Variants in GRID2 observed in about 807,000 individuals in gnomAD.
GRID2 encodes glutamate receptor ionotropic, delta-2.
A neutral mutation model predicts 114.8 loss-of-function variants in GRID2; 33 were observed. The ratio of observed to expected loss-of-function variants is 0.29; its 90% confidence interval spans 0.22 to 0.38. The LOEUF (loss-of-function observed/expected upper bound fraction) is 0.38, where lower values mean the gene tolerates loss of function less well. Ranked by LOEUF, GRID2 falls within the 10% of genes least tolerant of loss-of-function variation. GRID2 has a pLI of 1.00. For synonymous variants in GRID2, 505 were observed against 449.9 expected, an observed-to-expected ratio of 1.12 and a Z score of -1.55; for missense variants, 1,184 against 1,257.7, an observed-to-expected ratio of 0.94 and a Z score of 0.89.
intron 3 of GRID2, among the ~76,000 whole-genome samples, chr4:93,100,828 TATTGA>T (rs1417765261): frequency 3.3e-5 from 5 of 152,204 alleles, no homozygotes; most frequent in Non-Finnish European, 7.4e-5. Flanking sequence ...TCTCTTTTCC[TATTGA>T]ATTCAATATT....
chr4:92,929,631 A>G (rs28437144), intron 2 of GRID2, among the ~76,000 whole-genome samples: 1 of 151,380 alleles, frequency 6.6e-6, no homozygotes, highest in Non-Finnish European at 1.5e-5. Context: ...TATTTGATAA[A>G]GTCTTCTTAA....
At chr4:93,483,090 CCTAT>C (rs1726036053) in intron 11 of GRID2, among the ~76,000 whole-genome samples, 4 of 152,014 alleles carry the variant, frequency 2.6e-5, no homozygotes. Flanking sequence ...ATTATCTCCT[CCTAT>C]CTTTAAATGT....
intron 4 of GRID2, among the ~76,000 whole-genome samples, chr4:93,124,435 A>C (rs940747991): frequency 6.6e-6 from 1 of 152,192 alleles, no homozygotes; most frequent in African/African-American, 2.4e-5. Flanking sequence ...TGCTTAGTAC[A>C]TAAATGGCAA....
At chr4:92,993,583 CAATCT>C (rs1001875215) in intron 2 of GRID2, among the ~76,000 whole-genome samples, 3 of 152,130 alleles carry the variant, frequency 2.0e-5, no homozygotes, top group African/African-American at 7.2e-5. Context: ...ATTTCTCTTT[CAATCT>C]AGTCATGATA....
intron 4 of GRID2, among the ~76,000 whole-genome samples, chr4:93,154,579 A>G (rs1280058242): frequency 1.3e-5 from 2 of 152,030 alleles, no homozygotes; most frequent in African/African-American, 4.8e-5. Context: ...TGCAATGTAC[A>G]GTAAGTAAGA....
At chr4:92,631,105 T>C (rs1035777180) in intron 2 of GRID2, among the ~76,000 whole-genome samples, 1 of 152,056 alleles carries the variant, frequency 6.6e-6, no homozygotes, top group Non-Finnish European at 1.5e-5. Flanking sequence ...TTTGTAATGT[T>C]CCCTAAAGCC....
intron 14 of GRID2, among the ~76,000 whole-genome samples, chr4:93,705,480 C>A (rs1727915992): frequency 6.6e-6 from 1 of 151,954 alleles, no homozygotes; most frequent in South Asian, 2.1e-4. Context: ...TACAGGCACC[C>A]ACCACCATGC....
chr4:93,247,691 G>A (rs1035455669), intron 8 of GRID2, among the ~76,000 whole-genome samples: 3 of 151,816 alleles, frequency 2.0e-5, no homozygotes, highest in African/African-American at 4.8e-5. Context: ...CTTAGCCTCC[G>A]TAATTATGTG....
intron 1 of GRID2, among the ~76,000 whole-genome samples, chr4:92,375,521 C>G (rs766501066): frequency 6.6e-6 from 1 of 152,134 alleles, no homozygotes; most frequent in Non-Finnish European, 1.5e-5. Context: ...TAATGCCATT[C>G]CATGCGTGGG....
intron 14 of GRID2, among the ~76,000 whole-genome samples, chr4:93,635,398 T>C (rs1349065848): frequency 6.7e-6 from 1 of 148,840 alleles, no homozygotes; most frequent in Admixed American, 6.7e-5. Flanking sequence ...TATAATAATA[T>C]ATATATTATA....
chr4:92,421,738 T>C (rs35416992), intron 1 of GRID2, among the ~76,000 whole-genome samples: 8,149 of 152,214 alleles, frequency 0.054, 281 homozygotes, highest in East Asian at 0.083. Context: ...TGCCCACTGC[T>C]TCACTTTCCT....
intron 13 of GRID2, among the ~76,000 whole-genome samples, chr4:93,607,381 G>A (rs1280422226): frequency 1.3e-5 from 2 of 152,040 alleles, no homozygotes; most frequent in Non-Finnish European, 2.9e-5. Flanking sequence ...ACCTTGTATA[G>A]CTCTAGTAGA....
At chr4:92,921,931 C>G (rs1253418675) in intron 2 of GRID2, among the ~76,000 whole-genome samples, 1 of 152,206 alleles carries the variant, frequency 6.6e-6, no homozygotes, top group East Asian at 1.9e-4. Flanking sequence ...TATGGCTATG[C>G]CCTGCCCCCA....
chr4:92,524,197 A>T (rs1479017815), intron 1 of GRID2, among the ~76,000 whole-genome samples: 23 of 151,982 alleles, frequency 1.5e-4, no homozygotes, highest in Admixed American at 1.5e-3. Context: ...AAGAAAATAG[A>T]AGTAAATCCT....
At chr4:93,582,964 G>A (rs949765720) in intron 13 of GRID2, among the ~76,000 whole-genome samples, 16 of 152,002 alleles carry the variant, frequency 1.1e-4, no homozygotes, top group African/African-American at 3.9e-4. Context: ...GTGTTGGCAG[G>A]GCCACACTCT....
intron 14 of GRID2, among the ~76,000 whole-genome samples, chr4:93,632,488 T>G (rs1014490151): frequency 7.2e-5 from 11 of 152,112 alleles, no homozygotes; most frequent in African/African-American, 1.2e-4. Flanking sequence ...TTTCCCCATT[T>G]CTTGTTTTTG....
chr4:93,285,484 T>G (rs974703486), intron 8 of GRID2, among the ~76,000 whole-genome samples: 1 of 152,064 alleles, frequency 6.6e-6, no homozygotes, highest in Non-Finnish European at 1.5e-5. Context: ...ATCCCATGTC[T>G]TAAGATAATT....
chr4:92,752,436 C>T (rs529575683), intron 2 of GRID2, among the ~76,000 whole-genome samples: 1 of 151,906 alleles, frequency 6.6e-6, no homozygotes, highest in Non-Finnish European at 1.5e-5. Context: ...GAATACTAAA[C>T]AAAGGTATGA....
At chr4:92,857,991 C>G (rs1744287112) in intron 2 of GRID2, among the ~76,000 whole-genome samples, 1 of 152,084 alleles carries the variant, frequency 6.6e-6, no homozygotes, top group Non-Finnish European at 1.5e-5. Flanking sequence ...AACAATAAAG[C>G]CTGGATGACA....
Sources: gnomAD v4.1 joint callset for allele counts (sites outside exome capture counted in the v4.1 genomes callset) on GRCh38, gnomAD v4.1.1 for gene constraint, MANE v1.5 for transcripts, NCBI Gene and HGNC (gene_info 2026-07-23, HGNC 2026-07-21) for gene names.